Variants in PEAK1 observed in about 807,000 individuals in gnomAD.
The protein encoded by PEAK1 is pseudopodium enriched atypical kinase 1.
Under a neutral mutation model 124.7 loss-of-function variants are expected in PEAK1, and 54 were observed. The ratio of observed to expected loss-of-function variants is 0.43; its 90% CI spans 0.35 to 0.54. PEAK1 has a LOEUF of 0.54. PEAK1 is among the 20% of genes least tolerant of loss of function. PEAK1 has a pLI of 0.01. For synonymous variants in PEAK1, 719 were observed against 760.0 expected (o/e 0.95, Z 0.89); for missense variants, 2,046 against 2,134.5 (o/e 0.96, Z 0.82).
chr15:77,208,662 A>G (rs370145778), intron 6 of PEAK1, among the ~76,000 whole-genome samples: 1 of 152,354 alleles, frequency 6.6e-6, no homozygotes, highest in African/African-American at 2.4e-5. Flanking sequence ...AAAGTAAAAA[A>G]GCTAGGAAAA....
At chr15:77,176,843 C>T (rs1330038640) in intron 7 of PEAK1, among the ~76,000 whole-genome samples, 3 of 152,212 alleles carry the variant, frequency 2.0e-5, no homozygotes, top group African/African-American at 7.2e-5. Context: ...AGATACACTA[C>T]AGTGGTACTT....
At chr15:77,117,577 C>T (rs1486491319) in intron 9 of PEAK1, among the ~76,000 whole-genome samples, 1 of 152,154 alleles carries the variant, frequency 6.6e-6, no homozygotes, top group African/African-American at 2.4e-5. Context: ...TCCCGACAGC[C>T]ACCTGCCACA....
intron 9 of PEAK1, among the ~76,000 whole-genome samples, chr15:77,120,796 A>G (rs1174844492): frequency 1.3e-5 from 2 of 152,078 alleles, no homozygotes; most frequent in South Asian, 2.1e-4. Context: ...TTCCAGTCCT[A>G]CTTCCCACCT....
At chr15:77,116,291 T>C (rs1316890540) in intron 9 of PEAK1, among the ~76,000 whole-genome samples, 1 of 152,178 alleles carries the variant, frequency 6.6e-6, no homozygotes, top group African/African-American at 2.4e-5. Context: ...TGGAGTCTGC[T>C]CCACAGCCCT....
At chr15:77,117,534 G>T (rs1247255396) in intron 9 of PEAK1, among the ~76,000 whole-genome samples, 2 of 152,164 alleles carry the variant, frequency 1.3e-5, no homozygotes, top group African/African-American at 4.8e-5. Flanking sequence ...TTGAAACAAT[G>T]AGCAAAACAG....
intron 6 of PEAK1, among the ~76,000 whole-genome samples, chr15:77,213,158 T>C (rs2058983077): frequency 6.6e-6 from 1 of 152,160 alleles, no homozygotes; most frequent in Non-Finnish European, 1.5e-5. Context: ...TTCTATGCAA[T>C]GCTTTTGAGA....
At chr15:77,266,618 A>C (rs1466893404) in intron 5 of PEAK1, among the ~76,000 whole-genome samples, 1 of 152,246 alleles carries the variant, frequency 6.6e-6, no homozygotes, top group African/African-American at 2.4e-5. Flanking sequence ...CAGGAAAATC[A>C]TAACTTGAAT....
At chr15:77,409,057 T>G (rs903112957) in intron 1 of PEAK1, among the ~76,000 whole-genome samples, 14 of 151,956 alleles carry the variant, frequency 9.2e-5, no homozygotes, top group Admixed American at 8.5e-4. Flanking sequence ...AGTAACGGAG[T>G]GAGACCCCAT....
intron 7 of PEAK1, among the ~76,000 whole-genome samples, chr15:77,173,088 A>G (rs1336554626): frequency 2.0e-5 from 3 of 152,098 alleles, no homozygotes; most frequent in Non-Finnish European, 4.4e-5. Flanking sequence ...ACTTAAAAAC[A>G]ACAACAACAA....
chr15:77,212,452 GA>G (rs1303078900), intron 6 of PEAK1, among the ~76,000 whole-genome samples: 2 of 151,874 alleles, frequency 1.3e-5, no homozygotes, highest in Non-Finnish European at 2.9e-5. Context: ...CTAACTTTCG[GA>G]AAAAAGGTAA....
chr15:77,408,150 T>C (rs997687188), intron 1 of PEAK1, among the ~76,000 whole-genome samples: 1 of 21,400 alleles, frequency 4.7e-5, no homozygotes, highest in Non-Finnish European at 1.2e-4. Context: ...TACACATATA[T>C]ACATACACAC....
At chr15:77,359,639 A>G (rs1002749929) in intron 2 of PEAK1, among the ~76,000 whole-genome samples, 2 of 152,220 alleles carry the variant, frequency 1.3e-5, no homozygotes, top group Non-Finnish European at 2.9e-5. Flanking sequence ...ATATTTCTAT[A>G]TACTAGCAAT....
chr15:77,243,759 C>A (rs577812244), intron 6 of PEAK1, among the ~76,000 whole-genome samples: 1 of 152,014 alleles, frequency 6.6e-6, no homozygotes, highest in Non-Finnish European at 1.5e-5. Flanking sequence ...CACCTGGGGT[C>A]GGGAGTACTA....
chr15:77,234,736 A>T (rs1269932930), intron 6 of PEAK1, among the ~76,000 whole-genome samples: 1 of 152,082 alleles, frequency 6.6e-6, no homozygotes. Context: ...CCTGGGCTCA[A>T]GAGATCCTCC....
intron 1 of PEAK1, among the ~76,000 whole-genome samples, chr15:77,377,339 G>A (rs1182154355): frequency 6.6e-6 from 1 of 152,164 alleles, no homozygotes; most frequent in African/African-American, 2.4e-5. Context: ...GGCAGTGATT[G>A]AGCCACTGCA....
chr15:77,204,693 A>T (rs1007330534), intron 6 of PEAK1: 1 of 152,700 alleles, frequency 6.5e-6, no homozygotes, highest in Non-Finnish European at 1.5e-5. Flanking sequence ...TCACAAGGTC[A>T]GGAGTTTAAG....
chr15:77,157,393 A>C (rs1025977857), intron 8 of PEAK1: 4 of 152,240 alleles, frequency 2.6e-5, no homozygotes, highest in East Asian at 3.9e-4. Flanking sequence ...AGAAATCCTT[A>C]TTCTGCCTCA....
intron 6 of PEAK1, among the ~76,000 whole-genome samples, chr15:77,228,585 G>A (rs188402778): frequency 6.6e-6 from 1 of 152,174 alleles, no homozygotes; most frequent in East Asian, 1.9e-4. Context: ...AGAACTTGCT[G>A]CTCTTTCACA....
intron 5 of PEAK1, among the ~76,000 whole-genome samples, chr15:77,264,669 G>C (rs1410153768): frequency 6.6e-6 from 1 of 152,098 alleles, no homozygotes; most frequent in Non-Finnish European, 1.5e-5. Flanking sequence ...CGTGAAAATG[G>C]CCATACTGCC....
Sources: gnomAD v4.1 joint callset for allele counts (sites outside exome capture counted in the v4.1 genomes callset) on GRCh38, gnomAD v4.1.1 for gene constraint, MANE v1.5 for transcripts, NCBI Gene and HGNC (gene_info 2026-07-23, HGNC 2026-07-21) for gene names.